Variants in AARS1 observed in about 807,000 individuals in gnomAD.
AARS1 encodes alanine--tRNA ligase, cytoplasmic.
AARS1 carries 72 observed loss-of-function variants against 108.9 expected under a neutral mutation model. That is an observed-to-expected ratio of 0.66 (90% CI 0.55 to 0.80). The LOEUF (loss-of-function observed/expected upper bound fraction) is 0.80. AARS1 is among the 30% of genes least tolerant of loss of function. The probability of loss-of-function intolerance (pLI) is 0.00; values close to 1 mark genes in which losing one functional copy is unlikely to be tolerated. For synonymous variants in AARS1, 489 were observed against 465.7 expected (o/e 1.05, Z -0.64); for missense variants, 1,193 against 1,233.2 (o/e 0.97, Z 0.49).
At position 70,253,277 on chromosome 16, in the gene AARS1, T is replaced by C. The variant is rs1555539241; in HGVS notation, c.2712A>G (p.Gln904=). ...GCGAGGTGGTGCTGACCTGGGGAACTTGACACAGGCACGTGATCTTGCCAG... is the reference window on the plus strand; with the variant it reads ...GCGAGGTGGTGCTGACCTGGGGAACCTGACACAGGCACGTGATCTTGCCAG... ...NEAGKITCLC[Q]VPQNAANRGL... is the part of the protein sequence containing the mutation. The change falls in exon 20 of 21, where the codon CAA becomes CAG. Residue 904 remains glutamine, a synonymous_variant. Transcript: ENST00000261772. 1 of 1,613,712 alleles carries C rather than the reference T, an allele frequency of 6.2e-7. No homozygotes were observed. The highest frequency in any genetic ancestry group is 8.5e-7 in the Non-Finnish European group (1 of 1,179,606).
At position 70,269,851 on chromosome 16, in the gene AARS1, C is replaced by A; in HGVS notation, c.817-88G>T. ...AGGAGGTTCCTGGAGGATTGAGGAG[C>A]ATTAGCAGAAAGGATGCCGGTCTTG... On this transcript the variant is annotated intron_variant, in intron 6 of 20. Coordinates refer to ENST00000261772, the MANE Select transcript of AARS1 (RefSeq NM_001605.3). 1.9e-6 allele frequency: 3 copies of A among 1,547,196 alleles called. No individual in the cohort carries two copies. The South Asian group carries it at 3.3e-5, about 17-fold the overall frequency.
At chr16:70,264,275 T>C (rs1227985172) in intron 11 of AARS1, among the ~76,000 whole-genome samples, 1 of 151,546 alleles carries the variant, frequency 6.6e-6, no homozygotes, top group Non-Finnish European at 1.5e-5. Flanking sequence ...ATTAGGATAA[T>C]AGCATTCTAA....
At chr16:70,278,818 A>G (rs1168887478) in intron 2 of AARS1, among the ~76,000 whole-genome samples, 1 of 151,850 alleles carries the variant, frequency 6.6e-6, no homozygotes, top group African/African-American at 2.4e-5. Context: ...AAAAAAAGGC[A>G]AGGTATTTGC....
chr16:70,253,554 C>G (rs1469411754), intron 19 of AARS1, 160 bp downstream of exon 19: 5 of 1,050,280 alleles, frequency 4.8e-6, no homozygotes, highest in Non-Finnish European at 2.9e-6. Flanking sequence ...TACCCTGGCC[C>G]AGGTATGCCT....
intron 14 of AARS1, 70 bp from the exon 15 acceptor site, chr16:70,258,287 G>A (rs1478633901): frequency 5.3e-6 from 8 of 1,513,992 alleles, no homozygotes; most frequent in African/African-American, 2.8e-5. Flanking sequence ...AGGCAGGAAA[G>A]CATGGTCCTG....
chr16:70,267,605 T>G (rs1355965926), intron 9 of AARS1, 54 bp downstream of exon 9: 1 of 1,610,420 alleles, frequency 6.2e-7, no homozygotes, highest in East Asian at 2.2e-5. Context: ...AGGGCTTGTC[T>G]TTCCCAGAAA....
intron 16 of AARS1, among the ~76,000 whole-genome samples, chr16:70,255,417 C>T (rs1449792890): frequency 6.6e-6 from 1 of 152,070 alleles, no homozygotes; most frequent in African/African-American, 2.4e-5. Context: ...TCAGGCTGGT[C>T]TCGAACTCTT....
chr16:70,253,027 C>T, intron 20 of AARS1, 121 bp from the exon 21 acceptor site: 2 of 1,176,238 alleles, frequency 1.7e-6, no homozygotes, highest in Middle Eastern at 1.9e-4. Context: ...CTGCTGGAGG[C>T]CGAGACAGAC....
chr16:70,288,384 C>T (rs1960918941), intron 1 of AARS1, among the ~76,000 whole-genome samples: 1 of 152,028 alleles, frequency 6.6e-6, no homozygotes, highest in Non-Finnish European at 1.5e-5. Context: ...GCTGGGATTA[C>T]AGGCGTGAGC....
At chr16:70,269,896 G>C (rs1012506624) in intron 6 of AARS1, 133 bp from the exon 7 acceptor site, 7 of 1,225,556 alleles carry the variant, frequency 5.7e-6, no homozygotes, top group Middle Eastern at 2.5e-4. Context: ...ATAACCCCAA[G>C]AACGTGACAT....
chr16:70,272,782 G>GC (rs909017239), intron 4 of AARS1, among the ~76,000 whole-genome samples: 1 of 151,194 alleles, frequency 6.6e-6, no homozygotes, highest in African/African-American at 2.4e-5. Context: ...ATTAGCTGGG[G>GC]GGGTGATGCA....
intron 7 of AARS1, among the ~76,000 whole-genome samples, chr16:70,269,024 TG>T (rs888482596): frequency 2.6e-5 from 4 of 151,918 alleles, no homozygotes; most frequent in Admixed American, 2.6e-4. Context: ...CTGGCCAACA[TG>T]GCAAAACCCC....
At chr16:70,288,662 G>T (rs945799080) in intron 1 of AARS1, among the ~76,000 whole-genome samples, 1 of 151,156 alleles carries the variant, frequency 6.6e-6, no homozygotes, top group Non-Finnish European at 1.5e-5. Context: ...CGCCTGCCGG[G>T]TTCAAGCGAT....
Position 70,269,694 on chromosome 16 carries a change from G to C in AARS1, c.886C>G (p.Arg296Gly). 1 of 1,614,120 alleles carries C rather than the reference G, an allele frequency of 6.2e-7. No homozygotes were observed. The highest frequency in any genetic ancestry group is 8.5e-7 in the Non-Finnish European group (1 of 1,180,008). The change falls in exon 7 of 21, where the codon CGG (arginine) becomes GGG (glycine). Residue 296 changes from arginine (R) to glycine (G), a missense_variant. Coordinates refer to ENST00000261772, the MANE Select transcript of AARS1 (RefSeq NM_001605.3). ...EDADGIDMAY[R>G]VLADHARTIT... ...GTCCGAGCGTGGTCAGCCAGCACCC[G>C]GTAGGCCATGTCAATCCCATCGGCA...
intron 12 of AARS1, 37 bp downstream of exon 12, chr16:70,262,309 G>C: frequency 6.2e-7 from 1 of 1,613,466 alleles, no homozygotes; most frequent in Non-Finnish European, 8.5e-7. Flanking sequence ...TCCACGCCTG[G>C]CCCTCCTCGG....
rs752057589 is a variant in AARS1 at position 70,267,759 on chromosome 16, G to A, written c.1122C>T (p.Ile374=). Reference sequence around the variant, plus strand: ...GAAACTGCACCTCTTCTTCATTAATGATGTCCTTCACCATGTCTGGGTCCT... The same window carrying A: ...GAAACTGCACCTCTTCTTCATTAATAATGTCCTTCACCATGTCTGGGTCCT... ...LKKDPDMVKD[I]INEEEVQFLK... Residue 374 remains isoleucine, a synonymous_variant, in exon 9 of 21, where the codon ATC becomes ATT. Coordinates refer to ENST00000261772, the MANE Select transcript of AARS1 (RefSeq NM_001605.3). The A allele has an allele frequency of 6.2e-7, 1 of 1,614,180 alleles. No individual in the cohort carries two copies. Among genetic ancestry groups the A allele is most frequent in the South Asian group, 1.1e-5 (1 of 91,084 alleles).
chr16:70,283,464 C>A (rs1386367631), intron 1 of AARS1, among the ~76,000 whole-genome samples: 1 of 151,486 alleles, frequency 6.6e-6, no homozygotes, highest in African/African-American at 2.4e-5. Context: ...TTTAGTCCAA[C>A]TGGGGAAGAG....
chr16:70,259,236 T>G, intron 13 of AARS1, 50 bp from the exon 14 acceptor site: 1 of 1,555,124 alleles, frequency 6.4e-7, no homozygotes, highest in Non-Finnish European at 8.9e-7. Context: ...GACTGCTAGT[T>G]ATCTCCTCGT....
intron 3 of AARS1, 36 bp downstream of exon 3, chr16:70,276,930 C>T (rs755151497): frequency 1.2e-6 from 2 of 1,611,960 alleles, no homozygotes; most frequent in African/African-American, 2.7e-5. Context: ...GACCATTTTC[C>T]TCAAAACCCT....
Sources: gnomAD v4.1 joint callset for allele counts (sites outside exome capture counted in the v4.1 genomes callset) on GRCh38, gnomAD v4.1.1 for gene constraint, MANE v1.5 for transcripts, NCBI Gene and HGNC (gene_info 2026-07-23, HGNC 2026-07-21) for gene names.